GSDMB: variants seen among roughly 807,000 people sequenced by gnomAD.
GSDMB encodes gasdermin B.
GSDMB carries 32 observed loss-of-function variants against 42.9 expected under a neutral mutation model. That is an observed-to-expected ratio of 0.75 (90% CI 0.56 to 1.00). The LOEUF is 1.00. Among genes scored for constraint, GSDMB ranks in the 50% least tolerant of loss-of-function variants. The pLI, the probability that GSDMB is intolerant of heterozygous loss-of-function variation, is 0.00. For missense variants in GSDMB, 468 were observed against 498.5 expected (o/e 0.94, Z 0.58); for synonymous variants, 175 against 193.7 (o/e 0.90, Z 0.80).
intron 2 of GSDMB, 102 bp from the exon 3 acceptor site, chr17:39,912,599 AT>A (rs1176741625): frequency 1.2e-6 from 1 of 848,994 alleles, no homozygotes; most frequent in African/African-American, 1.7e-5. Context: ...CCGTGCCACC[AT>A]CCCCCTCCCT....
intron 6 of GSDMB, chr17:39,907,290 C>A: frequency 1.1e-6 from 1 of 893,124 alleles, no homozygotes; most frequent in Non-Finnish European, 1.5e-6. Context: ...TTCTCTATCC[C>A]TTTCCAAGCT....
chr17:39,911,913 C>A (rs1022380335), intron 3 of GSDMB, among the ~76,000 whole-genome samples: 1 of 151,870 alleles, frequency 6.6e-6, no homozygotes, highest in East Asian at 1.9e-4. Flanking sequence ...TCTAGCCTGG[C>A]CGACAGAGCG....
intron 4 of GSDMB, 64 bp downstream of exon 4, chr17:39,909,692 G>A (rs1009935193): frequency 7.0e-6 from 10 of 1,421,556 alleles, no homozygotes; most frequent in Admixed American, 5.2e-5. Flanking sequence ...GGCTGGCATC[G>A]CCTTGACCTG....
rs151136250 is a variant in GSDMB at position 39,904,903 on chromosome 17, T to C, written c.1160A>G (p.Tyr387Cys). ...ELASSPPDMDYDPEARILCAL... is the reference protein window; with the variant it reads ...ELASSPPDMDCDPEARILCAL... ...ACAGAGAATTCGTGCCTCAGGGTCA[T>C]AGTCCATGTCAGGAGGACTGCTGGC... Residue 387 changes from tyrosine (Y) to cysteine (C), a missense_variant, in exon 11 of 11, where the codon TAT (tyrosine) becomes TGT (cysteine). Transcript: ENST00000418519. 137 of 1,613,418 alleles carry C rather than the reference T, an allele frequency of 8.5e-5. No individual in the cohort carries two copies. Among genetic ancestry groups the C allele is most frequent in the Non-Finnish European group, 1.1e-4 (127 of 1,179,498 alleles).
chr17:39,912,923 T>C (rs768568703), intron 2 of GSDMB, among the ~76,000 whole-genome samples: 1 of 152,016 alleles, frequency 6.6e-6, no homozygotes, highest in Non-Finnish European at 1.5e-5. Context: ...CTGGCCAATA[T>C]GGTGAAACCC....
rs903964968 is a variant in GSDMB, at chr17:39,906,601, G to A, written c.728-330C>T. ...CCTCAGGCCACACTAGAAGTAATTAGGATTTGGAGAAAGTTAAAGCAGTGG... is the reference window on the plus strand; with the variant it reads ...CCTCAGGCCACACTAGAAGTAATTAAGATTTGGAGAAAGTTAAAGCAGTGG... On this transcript the variant is annotated intron_variant, in intron 7 of 10. Coordinates refer to ENST00000418519, the MANE Select transcript of GSDMB (RefSeq NM_001165958.2). 2.3e-6 allele frequency: 3 copies of A among 1,305,366 alleles called. 1 individual carries two copies. In the South Asian group the frequency reaches 6.5e-5, roughly 28 times the overall value. 80.9% of individuals were successfully genotyped at this position (1,305,366 alleles called of 1,614,324 possible).
intron 2 of GSDMB, among the ~76,000 whole-genome samples, chr17:39,916,264 A>C (rs1211488797): frequency 1.4e-5 from 2 of 146,800 alleles, no homozygotes; most frequent in Non-Finnish European, 3.0e-5. Context: ...TGATTCACGT[A>C]ATTTGTTCTC....
At chr17:39,917,622 C>T in intron 1 of GSDMB, 3 of 355,428 alleles carry the variant, frequency 8.4e-6, no homozygotes, top group South Asian at 7.8e-5. Context: ...GTAATATTCT[C>T]CCCTGCCCTT....
At chr17:39,910,073 C>T (rs2144689952) in intron 3 of GSDMB, 149 bp from the exon 4 acceptor site, 1 of 657,800 alleles carries the variant, frequency 1.5e-6, no homozygotes, top group East Asian at 2.6e-5. Flanking sequence ...TCGCAGTTCA[C>T]TTTACCCACC....
chr17:39,905,971 C>T lies in GSDMB; in HGVS notation c.903G>A (p.Leu301=). The T allele has an allele frequency of 6.2e-7, 1 of 1,613,986 alleles. No individual in the cohort carries two copies. The highest frequency in any genetic ancestry group is 8.5e-7 in the Non-Finnish European group (1 of 1,179,910). The change falls in exon 9 of 11, where the codon CTG becomes CTA. Residue 301 remains leucine, a synonymous_variant. Transcript: ENST00000418519. ...CCTCCATGTGTAGCTCCCCGGAAAT[C>T]AGGACCTCAGATACCTAGGGCCAGG... ...QDLEQRVSEV[L]ISGELHMEDP...
chr17:39,917,588 C>CCG (rs200019676), intron 1 of GSDMB: 4 of 405,326 alleles, frequency 9.9e-6, no homozygotes, highest in South Asian at 9.2e-5. Flanking sequence ...AGTCTCCCCG[C>CCG]CGCCGCCCTT....
At chr17:39,905,702 A>G in intron 9 of GSDMB, 145 bp downstream of exon 9, 1 of 1,016,444 alleles carries the variant, frequency 9.8e-7, no homozygotes, top group South Asian at 1.5e-5. Context: ...CAGCCCCTCA[A>G]TGCCTGGCCT....
chr17:39,906,919 G>A, intron 7 of GSDMB, 42 bp downstream of exon 7: 1 of 1,613,204 alleles, frequency 6.2e-7, no homozygotes, highest in East Asian at 2.2e-5. Context: ...CTCAGGGTGG[G>A]TTGGTGCAGC....
chr17:39,909,076 G>A, intron 4 of GSDMB, 34 bp from the exon 5 acceptor site: 1 of 1,285,082 alleles, frequency 7.8e-7, no homozygotes, highest in Non-Finnish European at 1.1e-6. Context: ...CGGATCCCCA[G>A]GTGTTTCTAC....
intron 2 of GSDMB, among the ~76,000 whole-genome samples, chr17:39,913,654 C>T (rs2063656826): frequency 1.3e-5 from 2 of 152,172 alleles, no homozygotes; most frequent in African/African-American, 4.8e-5. Context: ...TTGTATGAAC[C>T]ACACAAGTAT....
chr17:39,904,794 G>A lies in GSDMB; in HGVS notation c.*18C>T, dbSNP rs1420290379. 6 of 1,611,970 alleles carry A rather than the reference G, an allele frequency of 3.7e-6. No homozygotes were observed. The highest frequency in any genetic ancestry group is 8.5e-7 in the Non-Finnish European group (1 of 1,178,496). ...AAGGGAAAACCCAGAGGCTTGTGGG[G>A]AGAAAGGGCTTTTGTAGTTAGGAAG... On this transcript the variant is annotated 3_prime_UTR_variant, in exon 11 of 11. Transcript: ENST00000418519.
At chr17:39,912,289 C>G in intron 3 of GSDMB, 37 bp downstream of exon 3, 284 of 1,497,048 alleles carry the variant, frequency 1.9e-4, no homozygotes, top group Non-Finnish European at 2.4e-4. Context: ...AGATGGGCTT[C>G]TTCCCCTCCT....
In GSDMB at chr17:39,917,285, ATTCTTG is replaced by A; in HGVS notation, c.26_31del (p.Thr9_Arg10del). The A allele has an allele frequency of 6.2e-7, 1 of 1,613,290 alleles. No individual in the cohort carries two copies. The highest frequency in any genetic ancestry group is 8.5e-7 in the Non-Finnish European group (1 of 1,179,268). ...TCCAGCATCCATCTCCTTAACTACA[ATTCTTG>A]TGATTTCCTCAAATACGCTGAACAT... On this transcript the variant is annotated inframe_deletion, in exon 2 of 11. Coordinates refer to ENST00000418519, the MANE Select transcript of GSDMB (RefSeq NM_001165958.2).
At position 39,905,426 on chromosome 17, in the gene GSDMB, C is replaced by T. The variant is rs2063486166; in HGVS notation, c.1098G>A (p.Gln366=). Reference sequence around the variant, plus strand: ...TGGCCCTCAGCCCAGGCTGTCTCACCTGGTCCTTCAACAGAGGAAGGGTCC... The same window carrying T: ...TGGCCCTCAGCCCAGGCTGTCTCACTTGGTCCTTCAACAGAGGAAGGGTCC... The part of the protein sequence containing the change: ...EKGTLPLLKD[Q]VKSVMEQNWD... The change falls in exon 10 of 11, where the codon CAG becomes CAA. Residue 366 remains glutamine (Q), a splice_region_variant and synonymous_variant. Transcript: ENST00000418519. 1.3e-6 allele frequency: 2 copies of T among 1,599,718 alleles called. No individual in the cohort carries two copies. Among genetic ancestry groups the T allele is most frequent in the Non-Finnish European group, 8.5e-7 (1 of 1,171,616 alleles).
Sources: allele counts gnomAD v4.1 joint callset (sites outside exome capture counted in the v4.1 genomes callset), GRCh38; gene constraint gnomAD v4.1.1; transcripts MANE v1.5; gene names NCBI Gene and HGNC (gene_info 2026-07-23, HGNC 2026-07-21).